Variants in MYOM3 observed in about 807,000 individuals in gnomAD.
MYOM3 encodes myomesin 3, also known as myomesin-3.
A neutral mutation model predicts 191.7 loss-of-function variants in MYOM3; 155 were observed. The ratio of observed to expected loss-of-function variants is 0.81; its 90% CI spans 0.71 to 0.92. The LOEUF is 0.92. MYOM3 is among the 40% of genes least tolerant of loss of function. The pLI, the probability that MYOM3 is intolerant of heterozygous loss-of-function variation, is 0.00. For missense variants in MYOM3, 1,889 were observed against 1,890.6 expected (o/e 1.00, Z 0.02); for synonymous variants, 757 against 762.9 (o/e 0.99, Z 0.13).
At chr1:24,094,168 C>CT (rs746164315) in intron 9 of MYOM3, among the ~76,000 whole-genome samples, 2,676 of 126,236 alleles carry the variant, frequency 0.021, 82 homozygotes, top group African/African-American at 0.059. Context: ...CCCTCACTCA[C>CT]TTTTTTTTTT....
intron 19 of MYOM3, 122 bp downstream of exon 19, chr1:24,081,208 G>T: frequency 7.8e-7 from 1 of 1,274,124 alleles, no homozygotes; most frequent in East Asian, 2.4e-5. Context: ...CAGGGGCCTG[G>T]GGTGCAGGAC....
intron 29 of MYOM3, among the ~76,000 whole-genome samples, chr1:24,065,268 C>G (rs759822538): frequency 1.4e-4 from 21 of 152,176 alleles, no homozygotes; most frequent in Non-Finnish European, 2.9e-4. Context: ...TCTGTTTGCT[C>G]CAGTCCTCCT....
At position 24,067,538 on chromosome 1, in the gene MYOM3, C is replaced by T. The variant is rs1226753477; in HGVS notation, c.3355+432G>A. On this transcript the variant is annotated intron_variant, in intron 27 of 36. Transcript: ENST00000374434. ...AGTGCAGTGGCGCAATCTCGGCTCA[C>T]TGCAAGCTCCGCCTCCTGGTTTCAA... 4.0e-5 allele frequency among the ~76,000 whole-genome samples: 6 copies of T among 151,442 alleles called. No homozygotes were observed. In the East Asian group the frequency reaches 1.2e-3, roughly 29 times the overall value.
intron 24 of MYOM3, 118 bp downstream of exon 24, chr1:24,071,851 C>T (rs1643535883): frequency 1.9e-6 from 2 of 1,051,514 alleles, no homozygotes; most frequent in African/African-American, 3.1e-5. Flanking sequence ...GTGATTCTCC[C>T]ACCCTCTGTC....
chr1:24,102,923 T>TG (rs1269945486), intron 5 of MYOM3, among the ~76,000 whole-genome samples: 3 of 152,164 alleles, frequency 2.0e-5, no homozygotes, highest in Non-Finnish European at 2.9e-5. Context: ...GCCCTGGGGC[T>TG]GGACGGAACC....
At position 24,067,372 on chromosome 1, in the gene MYOM3, C is replaced by CTTT. The variant is rs1553155401; in HGVS notation, c.3356-285_3356-284insAAA. ...TCTTTCTTTCTTTCTTTCTTTCTTT[C>CTTT]CTTCTTTCTTTCTTTTTCCTTCCTT... On this transcript the variant is annotated intron_variant, in intron 27 of 36. Coordinates refer to ENST00000374434, the MANE Select transcript of MYOM3 (RefSeq NM_152372.4). Among the ~76,000 whole-genome samples, 198 of 94,898 alleles carry CTTT rather than the reference C, an allele frequency of 2.1e-3. 1 individual carries two copies. Among genetic ancestry groups the CTTT allele is most frequent in the East Asian group, 4.2e-3 (11 of 2,634 alleles). The allele number at this position is 94,898 out of a possible 152,430, so 62.3% of individuals were successfully genotyped here.
chr1:24,061,064 C>T lies in MYOM3; in HGVS notation c.3990G>A (p.Glu1330=). Residue 1330 remains glutamate (E), a synonymous_variant, in exon 35 of 37, where the codon GAG becomes GAA. Transcript: ENST00000374434. The stretch of plus-strand genomic sequence containing the variant: ...CAGAAATATCGGCCGACTTACTCTT[C>T]TCGATGATGGCCAAGGTTCTGAAAA... The part of the protein sequence containing the change: ...HQRLKTLAII[E]KNRAKVVRGL... 1 of 1,614,080 alleles carries T rather than the reference C, an allele frequency of 6.2e-7. No homozygotes were observed. Among genetic ancestry groups the T allele is most frequent in the Non-Finnish European group, 8.5e-7 (1 of 1,180,018 alleles).
intron 22 of MYOM3, among the ~76,000 whole-genome samples, 165 bp downstream of exon 22, chr1:24,075,154 C>A (rs957308650): frequency 2.0e-5 from 3 of 152,206 alleles, no homozygotes; most frequent in Non-Finnish European, 4.4e-5. Flanking sequence ...ACTCTCCACT[C>A]TTCTCACTAA....
chr1:24,106,025 C>T lies in MYOM3; in HGVS notation c.455G>A (p.Arg152His), dbSNP rs373035088. 1.2e-4 allele frequency: 191 copies of T among 1,613,886 alleles called. 1 individual carries two copies. Among genetic ancestry groups the T allele is most frequent in the South Asian group, 9.7e-4 (88 of 91,066 alleles). Residue 152 changes from arginine to histidine, a missense_variant, in exon 5 of 37, where the codon CGC becomes CAC. Coordinates refer to ENST00000374434, the MANE Select transcript of MYOM3 (RefSeq NM_152372.4). ...AKELRELCYG[R>H]GPWFWIPLRS... ...AAGAGGGATCCAGAACCAGGGCCCG[C>T]GGCCGTAGCACAGCTCCCTCAGCTC...
chr1:24,097,117 G>A (rs965066710), intron 7 of MYOM3, among the ~76,000 whole-genome samples: 14 of 152,212 alleles, frequency 9.2e-5, no homozygotes, highest in African/African-American at 3.4e-4. Context: ...CTCCAGGAGG[G>A]GCCCAAGCCC....
chr1:24,095,906 G>C (rs1643876303), intron 7 of MYOM3, among the ~76,000 whole-genome samples: 1 of 152,190 alleles, frequency 6.6e-6, no homozygotes. Flanking sequence ...GGGCTGAAGG[G>C]TGAAATCCAA....
intron 15 of MYOM3, among the ~76,000 whole-genome samples, chr1:24,085,940 T>A (rs1423131873): frequency 6.6e-6 from 1 of 152,190 alleles, no homozygotes; most frequent in Non-Finnish European, 1.5e-5. Flanking sequence ...CAAACCAGGC[T>A]TTTCTTGCAT....
chr1:24,100,376 G>A (rs1169494292), intron 5 of MYOM3, among the ~76,000 whole-genome samples: 2 of 152,128 alleles, frequency 1.3e-5, no homozygotes, highest in Admixed American at 1.3e-4. Context: ...TTCCCTTCTG[G>A]GGGCAGAGAA....
intron 28 of MYOM3, chr1:24,066,328 G>A (rs146615107): frequency 1.2e-5 from 8 of 670,634 alleles, no homozygotes; most frequent in Non-Finnish European, 1.9e-5. Flanking sequence ...GAGGGATGCT[G>A]TTTTCCAATG....
At chr1:24,059,086 C>T in intron 35 of MYOM3, 107 bp from the exon 36 acceptor site, 1 of 742,716 alleles carries the variant, frequency 1.3e-6, no homozygotes, top group African/African-American at 1.8e-5. Context: ...CTTTTTTTTC[C>T]TTTTTCTATT....
intron 28 of MYOM3, chr1:24,066,780 C>G: frequency 2.0e-6 from 1 of 509,384 alleles, no homozygotes; most frequent in Non-Finnish European, 3.5e-6. Flanking sequence ...CTTCTGGAGC[C>G]ACTAGGATCT....
chr1:24,090,269 G>A, intron 12 of MYOM3, 151 bp from the exon 13 acceptor site: 1 of 657,272 alleles, frequency 1.5e-6, no homozygotes, highest in Non-Finnish European at 2.7e-6. Context: ...CCTCCCTCTG[G>A]CCTCAGCTTT....
chr1:24,075,230 C>CCCTG, intron 22 of MYOM3, 89 bp downstream of exon 22: 1 of 1,342,930 alleles, frequency 7.4e-7, no homozygotes, highest in Non-Finnish European at 1.1e-6. Context: ...ATGGGTCCTG[C>CCCTG]CCTGTGGTCT....
At position 24,057,078 on chromosome 1, in the gene MYOM3, C is replaced by T. The variant is rs993187989; in HGVS notation, c.*286G>A. On this transcript the variant is annotated 3_prime_UTR_variant, in exon 37 of 37. Transcript: ENST00000374434. Reference sequence around the variant, plus strand: ...CAGTGTTTAGCAGCGTACCTGACCTCTACCTATCAGATGCCAGTACTGTTA... The same window carrying T: ...CAGTGTTTAGCAGCGTACCTGACCTTTACCTATCAGATGCCAGTACTGTTA... The T allele has an allele frequency of 2.4e-5, 11 of 464,604 alleles. No individual in the cohort carries two copies. Among genetic ancestry groups the T allele is most frequent in the African/African-American group, 1.2e-4 (6 of 51,572 alleles). 28.8% of individuals were successfully genotyped at this position (464,604 alleles called of 1,614,324 possible).
Sources: allele counts gnomAD v4.1 joint callset (sites outside exome capture counted in the v4.1 genomes callset), GRCh38; gene constraint gnomAD v4.1.1; transcripts MANE v1.5; gene names NCBI Gene and HGNC (gene_info 2026-07-23, HGNC 2026-07-21).